Variants in PHACTR1 observed in about 807,000 individuals in gnomAD.
PHACTR1 encodes the protein phosphatase and actin regulator 1, also known as RPEL repeat containing 1.
A neutral mutation model predicts 69.2 loss-of-function variants in PHACTR1; 16 were observed. That is an observed-to-expected ratio of 0.23 (90% CI 0.16 to 0.35). PHACTR1 has a LOEUF of 0.35. Ranked by LOEUF, PHACTR1 falls within the 10% of genes least tolerant of loss-of-function variation. The probability of loss-of-function intolerance (pLI) is 1.00; values close to 1 mark genes in which losing one functional copy is unlikely to be tolerated. For missense variants in PHACTR1, 510 were observed against 734.7 expected, an observed-to-expected ratio of 0.69 and a Z score of 3.54; for synonymous variants, 312 against 284.5, an observed-to-expected ratio of 1.10 and a Z score of -0.97.
chr6:13,059,490 ACAC>A (rs1807364816), intron 5 of PHACTR1, among the ~76,000 whole-genome samples: 3 of 144,776 alleles, frequency 2.1e-5, no homozygotes, highest in Admixed American at 1.4e-4. Context: ...ACACACACAC[ACAC>A]AAAACCCACA....
chr6:13,172,914 C>G (rs1315467726), intron 6 of PHACTR1, among the ~76,000 whole-genome samples: 2 of 152,202 alleles, frequency 1.3e-5, no homozygotes, highest in African/African-American at 4.8e-5. Flanking sequence ...GAGATGCCTG[C>G]GTGAGGCAGA....
At chr6:13,021,875 T>G (rs1801025573) in intron 4 of PHACTR1, among the ~76,000 whole-genome samples, 1 of 152,238 alleles carries the variant, frequency 6.6e-6, no homozygotes. Flanking sequence ...GTATCTTATT[T>G]CCTTGTGGTC....
chr6:12,755,463 A>G (rs1322823405), intron 4 of PHACTR1, among the ~76,000 whole-genome samples: 2 of 152,202 alleles, frequency 1.3e-5, no homozygotes, highest in Non-Finnish European at 2.9e-5. Flanking sequence ...ACCTGATTTT[A>G]TAGATAGTCT....
intron 8 of PHACTR1, among the ~76,000 whole-genome samples, chr6:13,216,967 T>C (rs1157108790): frequency 6.6e-6 from 1 of 152,190 alleles, no homozygotes; most frequent in Non-Finnish European, 1.5e-5. Flanking sequence ...GGAATCTGCT[T>C]TTGATTTTTT....
At chr6:13,126,099 C>T (rs1046837832) in intron 5 of PHACTR1, among the ~76,000 whole-genome samples, 6 of 151,962 alleles carry the variant, frequency 3.9e-5, no homozygotes, top group South Asian at 2.1e-4. Flanking sequence ...ATTTCCTTCT[C>T]GGGACTCAGA....
At chr6:13,281,104 A>C in intron 12 of PHACTR1, 1 of 1,289,588 alleles carries the variant, frequency 7.8e-7, no homozygotes, top group Non-Finnish European at 1.0e-6. Flanking sequence ...CAGGCATAAG[A>C]AACAGCCCCT....
intron 4 of PHACTR1, among the ~76,000 whole-genome samples, chr6:13,013,910 G>A (rs983761158): frequency 6.7e-6 from 1 of 150,248 alleles, no homozygotes. Context: ...CGCGCTCAGC[G>A]AAGCCGGGGA....
intron 5 of PHACTR1, among the ~76,000 whole-genome samples, chr6:13,145,573 C>T (rs1311189223): frequency 6.6e-6 from 1 of 152,178 alleles, no homozygotes; most frequent in Admixed American, 6.5e-5. Context: ...CCACACGTGG[C>T]TGTATTTGGT....
At chr6:13,066,363 T>C (rs1354628508) in intron 5 of PHACTR1, among the ~76,000 whole-genome samples, 1 of 152,202 alleles carries the variant, frequency 6.6e-6, no homozygotes, top group Admixed American at 6.5e-5. Flanking sequence ...TAAGCTTCTC[T>C]GTTTACTAAG....
chr6:12,867,848 A>G (rs889101339), intron 4 of PHACTR1, among the ~76,000 whole-genome samples: 1 of 152,034 alleles, frequency 6.6e-6, no homozygotes, highest in Non-Finnish European at 1.5e-5. Flanking sequence ...GAACTGGCCT[A>G]TTGTCTGTGT....
intron 5 of PHACTR1, among the ~76,000 whole-genome samples, chr6:13,121,213 A>C (rs1818679512): frequency 6.6e-6 from 1 of 152,116 alleles, no homozygotes; most frequent in African/African-American, 2.4e-5. Flanking sequence ...GAATCACTAG[A>C]ATGTGGATGG....
At chr6:13,083,425 C>T (rs373193794) in intron 5 of PHACTR1, among the ~76,000 whole-genome samples, 7 of 150,994 alleles carry the variant, frequency 4.6e-5, no homozygotes, top group East Asian at 1.9e-4. Flanking sequence ...CTTGGCAATG[C>T]GGGCTCTTTT....
chr6:12,961,907 A>G (rs1191868893), intron 4 of PHACTR1, among the ~76,000 whole-genome samples: 1 of 151,744 alleles, frequency 6.6e-6, no homozygotes, highest in Non-Finnish European at 1.5e-5. Flanking sequence ...TCTGTGCCTT[A>G]GTCTCCTTCT....
intron 5 of PHACTR1, among the ~76,000 whole-genome samples, chr6:13,108,426 T>TTTTCTTTGTC (rs1367705028): frequency 2.0e-5 from 3 of 152,100 alleles, no homozygotes; most frequent in Non-Finnish European, 4.4e-5. Flanking sequence ...TTCCATGTCA[T>TTTTCTTTGTC]TACTGTGTCT....
intron 4 of PHACTR1, among the ~76,000 whole-genome samples, chr6:12,931,366 G>C (rs1025505311): frequency 6.6e-6 from 1 of 152,156 alleles, no homozygotes; most frequent in Non-Finnish European, 1.5e-5. Context: ...CCTACCTGCA[G>C]GGAAAGTTGG....
intron 4 of PHACTR1, chr6:12,957,866 G>T (rs1792099743): frequency 1.0e-6 from 1 of 985,354 alleles, no homozygotes; most frequent in Non-Finnish European, 1.2e-6. Context: ...AAGGCGAAGG[G>T]GCTGCCTGGC....
chr6:13,012,653 A>G lies in PHACTR1; in HGVS notation c.251-40712A>G, dbSNP rs113973704. 3.7e-3 allele frequency among the ~76,000 whole-genome samples: 562 copies of G among 152,334 alleles called. 4 individuals carry two copies. Among genetic ancestry groups the G allele is most frequent in the African/African-American group, 0.012 (518 of 41,576 alleles). On this transcript the variant is annotated intron_variant, in intron 4 of 14. Coordinates refer to ENST00000332995, the MANE Select transcript of PHACTR1 (RefSeq NM_030948.6). ...GGACCCTGCACTGACCTACTAAACC[A>G]GAATATCTGGATTTGGGGCTCTGTA...
At chr6:13,096,359 A>G (rs369479184) in intron 5 of PHACTR1, among the ~76,000 whole-genome samples, 46 of 152,302 alleles carry the variant, frequency 3.0e-4, no homozygotes, top group East Asian at 1.5e-3. Flanking sequence ...GATTAAACCA[A>G]TGCTTCAGAT....
intron 4 of PHACTR1, among the ~76,000 whole-genome samples, chr6:12,922,565 A>G (rs1169186975): frequency 1.3e-5 from 2 of 152,206 alleles, no homozygotes; most frequent in Non-Finnish European, 2.9e-5. Context: ...AGTCACATCC[A>G]TAAACATGGA....
Sources: gnomAD v4.1 joint callset for allele counts (sites outside exome capture counted in the v4.1 genomes callset) on GRCh38, gnomAD v4.1.1 for gene constraint, MANE v1.5 for transcripts, NCBI Gene and HGNC (gene_info 2026-07-23, HGNC 2026-07-21) for gene names.